Variants in ANKRD45 observed in about 807,000 individuals in gnomAD.
ANKRD45 encodes the protein ankyrin repeat domain-containing protein 45.
A neutral mutation model predicts 28.1 loss-of-function variants in ANKRD45; 21 were observed. That is an observed-to-expected ratio of 0.75 (90% CI 0.53 to 1.08). The LOEUF (loss-of-function observed/expected upper bound fraction) is 1.08. Among genes scored for constraint, ANKRD45 ranks in the 50% least tolerant of loss-of-function variants. The pLI, the probability that ANKRD45 is intolerant of heterozygous loss-of-function variation, is 0.00. For synonymous variants in ANKRD45, 86 were observed against 103.9 expected (o/e 0.83, Z 1.05); for missense variants, 261 against 308.7 (o/e 0.85, Z 1.16).
intron 1 of ANKRD45, among the ~76,000 whole-genome samples, chr1:173,665,828 G>C (rs7542910): frequency 0.42 from 64,367 of 151,656 alleles, 17,222 homozygotes; most frequent in African/African-American, 0.75. Context: ...GGGCAACACA[G>C]CGAAACCCCA....
At chr1:173,632,614 T>C (rs1303864694) in intron 3 of ANKRD45, among the ~76,000 whole-genome samples, 4 of 151,318 alleles carry the variant, frequency 2.6e-5, no homozygotes, top group Non-Finnish European at 5.9e-5. Flanking sequence ...AACAAAATGC[T>C]ATCAAACTGA....
chr1:173,663,059 ACACAC>A (rs1159724805), intron 1 of ANKRD45, among the ~76,000 whole-genome samples: 4 of 90,178 alleles, frequency 4.4e-5, no homozygotes, highest in African/African-American at 2.0e-4. Flanking sequence ...CTTCCAACAC[ACACAC>A]ACACACACAC....
intron 3 of ANKRD45, among the ~76,000 whole-genome samples, chr1:173,633,551 A>G (rs895620741): frequency 3.3e-5 from 5 of 152,096 alleles, no homozygotes; most frequent in Non-Finnish European, 5.9e-5. Flanking sequence ...TCCTGAGCAA[A>G]ACAAAAACAT....
chr1:173,684,084 AGAATGAGTTAGGGTGGAGCAGCTGATCG>A, the ANKRD45 span, among the ~76,000 whole-genome samples: 36 of 152,176 alleles, frequency 2.4e-4, no homozygotes, highest in East Asian at 3.8e-4. Flanking sequence ...GCAGGTAATC[AGAATGAGTTAGGGTGGAGCAGCTGATCG>A]GAATGAGTTA....
chr1:173,651,112 C>T (rs962065081), intron 2 of ANKRD45, among the ~76,000 whole-genome samples: 1 of 152,132 alleles, frequency 6.6e-6, no homozygotes, highest in East Asian at 1.9e-4. Flanking sequence ...TACTGTTTGT[C>T]GATTTGGGCT....
chr1:173,657,625 C>CTTTTTTTTTTTTTTTTTTTTTTTTT (rs778299894), intron 2 of ANKRD45: 1 of 70,694 alleles, frequency 1.4e-5, no homozygotes, highest in Non-Finnish European at 2.7e-5. Context: ...TCTTCTTCTT[C>CTTTTTTTTTTTTTTTTTTTTTTTTT]TTTTTTTTTT....
rs1667072931 is a variant in ANKRD45 at position 173,610,015 on chromosome 1, A to G, written c.*130T>C. The G allele has an allele frequency of 2.1e-6, 2 of 959,030 alleles. No individual in the cohort carries two copies. The highest frequency in any genetic ancestry group is 3.1e-5 in the South Asian group (2 of 63,754). The allele number at this position is 959,030 out of a possible 1,614,324, so 59.4% of individuals were successfully genotyped here. ...TAAGCATGCTGAACAGGTCAAACAA[A>G]ACAAGGGCGATGTAATGTTGTACTT... On this transcript the variant is annotated 3_prime_UTR_variant, in exon 6 of 6. Coordinates refer to ENST00000333279, the MANE Select transcript of ANKRD45 (RefSeq NM_198493.3).
Position 173,609,837 on chromosome 1 carries a change from T to A in ANKRD45, c.*308A>T, listed in dbSNP as rs182508341. The A allele has an allele frequency of 3.8e-6, 1 of 260,440 alleles. No homozygotes were observed. Among genetic ancestry groups the A allele is most frequent in the African/African-American group, 2.2e-5 (1 of 45,110 alleles). The allele number at this position is 260,440 out of a possible 1,614,324, so 16.1% of individuals were successfully genotyped here. On this transcript the variant is annotated 3_prime_UTR_variant, in exon 6 of 6. Transcript: ENST00000333279. ...TGTCCTTTTATATGGAATGCCTCAA[T>A]TACACAGAAAATTATTAGATTCTCT...
intron 4 of ANKRD45, 133 bp from the exon 5 acceptor site, chr1:173,625,058 C>A: frequency 1.2e-6 from 1 of 864,626 alleles, no homozygotes; most frequent in Non-Finnish European, 1.7e-6. Flanking sequence ...TTGTCCAATA[C>A]AGTAGCCATT....
At chr1:173,708,534 TA>T in the ANKRD45 span, among the ~76,000 whole-genome samples, 1 of 152,186 alleles carries the variant, frequency 6.6e-6, no homozygotes, top group African/African-American at 2.4e-5. Flanking sequence ...TATGGGAAAA[TA>T]AATTCTGTTC....
Position 173,609,373 on chromosome 1 carries a change from G to C in ANKRD45, c.*772C>G, listed in dbSNP as rs775568520. Among the ~76,000 whole-genome samples the C allele has an allele frequency of 4.6e-5, 7 of 152,122 alleles. No homozygotes were observed. Among genetic ancestry groups the C allele is most frequent in the Non-Finnish European group, 7.4e-5 (5 of 68,022 alleles). On this transcript the variant is annotated 3_prime_UTR_variant, in exon 6 of 6. Coordinates refer to ENST00000333279, the MANE Select transcript of ANKRD45 (RefSeq NM_198493.3). ...CTTTTCTATAAAACTTTTCCATAAA[G>C]TCACAACGTAAGAGAAGGTTGAGGC...
At chr1:173,632,506 T>A (rs1668238022) in intron 3 of ANKRD45, among the ~76,000 whole-genome samples, 1 of 146,672 alleles carries the variant, frequency 6.8e-6, no homozygotes, top group South Asian at 2.1e-4. Flanking sequence ...TACCCTGATA[T>A]GAAAACCGGA....
intron 2 of ANKRD45, among the ~76,000 whole-genome samples, chr1:173,654,494 G>A (rs1450487868): frequency 6.6e-6 from 1 of 152,100 alleles, no homozygotes; most frequent in African/African-American, 2.4e-5. Context: ...TTCCCTTTGT[G>A]GGTAACCCAA....
the ANKRD45 span, among the ~76,000 whole-genome samples, chr1:173,703,160 C>T: frequency 6.6e-6 from 1 of 152,004 alleles, no homozygotes; most frequent in Admixed American, 6.6e-5. Context: ...CTCAGCCTCC[C>T]AAGTAGCTGG....
At chr1:173,630,426 T>TA (rs1668136405) in intron 3 of ANKRD45, among the ~76,000 whole-genome samples, 1 of 152,192 alleles carries the variant, frequency 6.6e-6, no homozygotes, top group Admixed American at 6.5e-5. Flanking sequence ...GGAATGAAGT[T>TA]AAAGTGTAGC....
the ANKRD45 span, among the ~76,000 whole-genome samples, chr1:173,697,376 G>C: frequency 6.6e-6 from 1 of 152,130 alleles, no homozygotes; most frequent in South Asian, 2.1e-4. Flanking sequence ...GATTCACCAA[G>C]GTTGAAATGA....
At chr1:173,648,783 T>C (rs1250127362) in intron 2 of ANKRD45, among the ~76,000 whole-genome samples, 1 of 152,250 alleles carries the variant, frequency 6.6e-6, no homozygotes, top group Non-Finnish European at 1.5e-5. Context: ...TGAATAGTGT[T>C]AGGGACACAA....
chr1:173,651,818 G>T (rs907403663), intron 2 of ANKRD45, among the ~76,000 whole-genome samples: 21 of 152,146 alleles, frequency 1.4e-4, no homozygotes, highest in Admixed American at 3.3e-4. Flanking sequence ...CACATCCCTT[G>T]TAAGTTGGAT....
chr1:173,655,249 T>A (rs1297501652), intron 2 of ANKRD45, among the ~76,000 whole-genome samples: 1 of 152,242 alleles, frequency 6.6e-6, no homozygotes, highest in Non-Finnish European at 1.5e-5. Flanking sequence ...CCTTTGGTGT[T>A]TGACGTTGGT....
Sources: gnomAD v4.1 joint callset for allele counts (sites outside exome capture counted in the v4.1 genomes callset) on GRCh38, gnomAD v4.1.1 for gene constraint, MANE v1.5 for transcripts, NCBI Gene and HGNC (gene_info 2026-07-23, HGNC 2026-07-21) for gene names.